Variants in CACNB4 observed in about 807,000 individuals in gnomAD.
CACNB4 encodes calcium voltage-gated channel auxiliary subunit beta 4.
Under a neutral mutation model 71.2 loss-of-function variants are expected in CACNB4, and 32 were observed. The ratio of observed to expected loss-of-function variants is 0.45; its 90% CI spans 0.34 to 0.60. CACNB4 has a LOEUF of 0.60. CACNB4 is among the 20% of genes least tolerant of loss of function. The pLI is 0.01. For synonymous variants in CACNB4, 231 were observed against 236.9 expected (o/e 0.97, Z 0.23); for missense variants, 464 against 647.9 (o/e 0.72, Z 3.08).
chr2:151,912,635 T>C (rs1304401438), intron 2 of CACNB4, among the ~76,000 whole-genome samples: 1 of 152,220 alleles, frequency 6.6e-6, no homozygotes. Flanking sequence ...GAAGAATATA[T>C]ATTCTGTTGA....
intron 2 of CACNB4, among the ~76,000 whole-genome samples, chr2:151,887,139 G>A (rs1224109210): frequency 1.3e-5 from 2 of 152,170 alleles, no homozygotes; most frequent in East Asian, 1.9e-4. Flanking sequence ...AACTGAAGAC[G>A]TAAAGGTTAC....
At chr2:152,044,703 T>A (rs936530102) in intron 2 of CACNB4, among the ~76,000 whole-genome samples, 1 of 152,206 alleles carries the variant, frequency 6.6e-6, no homozygotes, top group African/African-American at 2.4e-5. Flanking sequence ...CCACACCCTT[T>A]GTTTGGGTCA....
At chr2:152,082,998 C>A (rs1687444567) in intron 2 of CACNB4, among the ~76,000 whole-genome samples, 1 of 152,128 alleles carries the variant, frequency 6.6e-6, no homozygotes, top group Non-Finnish European at 1.5e-5. Flanking sequence ...AGTTGTGGTA[C>A]CAGAGGAAGG....
intron 2 of CACNB4, among the ~76,000 whole-genome samples, chr2:151,932,844 AG>A (rs2099861952): frequency 6.8e-6 from 1 of 147,474 alleles, no homozygotes; most frequent in Admixed American, 6.8e-5. Context: ...AAAAAAAAAA[AG>A]GTGGGGGGTT....
chr2:152,053,396 G>T (rs1428016685), intron 2 of CACNB4, among the ~76,000 whole-genome samples: 2 of 152,232 alleles, frequency 1.3e-5, no homozygotes, highest in African/African-American at 4.8e-5. Context: ...GACACGCCTG[G>T]AGAGGGCATG....
At chr2:151,912,094 T>C (rs1291620531) in intron 2 of CACNB4, among the ~76,000 whole-genome samples, 1 of 152,188 alleles carries the variant, frequency 6.6e-6, no homozygotes, top group African/African-American at 2.4e-5. Flanking sequence ...TAGCAATCTA[T>C]TTGTTAATTT....
chr2:151,871,895 A>G (rs2099844732), intron 6 of CACNB4: 1 of 155,398 alleles, frequency 6.4e-6, no homozygotes, highest in African/African-American at 2.4e-5. Flanking sequence ...TAGGCCACCA[A>G]TATCTCTTCA....
chr2:152,040,852 T>C (rs1684836781), intron 2 of CACNB4, among the ~76,000 whole-genome samples: 1 of 152,246 alleles, frequency 6.6e-6, no homozygotes. Flanking sequence ...TGCCAAATGA[T>C]GGTGATTAAC....
rs557235331 is a variant in CACNB4, at chr2:151,911,018, C to G, written c.148-27648G>C. On this transcript the variant is annotated intron_variant, in intron 2 of 13. Transcript: ENST00000539935. ...TCTCCTTGAAAAGGTTCTTCACATC[C>G]CTTGTCAGCTGTATTCCTAGGTAGG... Among the ~76,000 whole-genome samples the G allele has an allele frequency of 9.2e-5, 14 of 152,186 alleles. 1 individual carries two copies. The South Asian group carries it at 2.9e-3, about 32-fold the overall frequency.
At chr2:152,054,627 T>C (rs1377638383) in intron 2 of CACNB4, among the ~76,000 whole-genome samples, 2 of 152,186 alleles carry the variant, frequency 1.3e-5, no homozygotes, top group South Asian at 2.1e-4. Flanking sequence ...GATAACTCTA[T>C]ACTTAACCTT....
chr2:151,995,589 G>T (rs927854927), intron 2 of CACNB4, among the ~76,000 whole-genome samples: 2 of 152,192 alleles, frequency 1.3e-5, no homozygotes, highest in African/African-American at 2.4e-5. Context: ...GGCACCTGTA[G>T]TCCCAGCTAC....
At chr2:151,985,390 G>C (rs1388475323) in intron 2 of CACNB4, among the ~76,000 whole-genome samples, 2 of 152,134 alleles carry the variant, frequency 1.3e-5, no homozygotes, top group Non-Finnish European at 2.9e-5. Flanking sequence ...TTTCACTCAT[G>C]TAAATAATGC....
At chr2:151,975,422 C>T (rs1011072062) in intron 2 of CACNB4, among the ~76,000 whole-genome samples, 1 of 152,198 alleles carries the variant, frequency 6.6e-6, no homozygotes, top group Non-Finnish European at 1.5e-5. Flanking sequence ...ATACCTAGTC[C>T]ACTGTCAAAT....
intron 2 of CACNB4, among the ~76,000 whole-genome samples, chr2:152,069,807 A>C (rs1197432262): frequency 7.6e-5 from 11 of 145,394 alleles, no homozygotes; most frequent in African/African-American, 2.5e-4. Flanking sequence ...TTTATTCTAG[A>C]TCTTTTGATA....
chr2:151,899,862 G>A (rs749809519), intron 2 of CACNB4, among the ~76,000 whole-genome samples: 1 of 152,170 alleles, frequency 6.6e-6, no homozygotes, highest in Non-Finnish European at 1.5e-5. Context: ...AATAAGACAC[G>A]GTCCTTGCCT....
At position 152,094,333 on chromosome 2, in the gene CACNB4, A is replaced by T. The variant is rs568895925; in HGVS notation, c.147+3997T>A. Among the ~76,000 whole-genome samples the T allele has an allele frequency of 2.6e-5, 4 of 152,350 alleles. No individual in the cohort carries two copies. In the South Asian group the frequency reaches 8.3e-4, roughly 32 times the overall value. Reference sequence around the variant, plus strand: ...AAGGACCAGTGGCAAGAGGGAAGACAGTGTGTTCAAACTCTGTGTCCAGAG... The same window carrying T: ...AAGGACCAGTGGCAAGAGGGAAGACTGTGTGTTCAAACTCTGTGTCCAGAG... On this transcript the variant is annotated intron_variant, in intron 2 of 13. Transcript: ENST00000539935.
chr2:151,896,178 G>A (rs1228606338), intron 2 of CACNB4, among the ~76,000 whole-genome samples: 1 of 152,158 alleles, frequency 6.6e-6, no homozygotes, highest in Non-Finnish European at 1.5e-5. Flanking sequence ...TATTTCCTGT[G>A]AGAGGCCCAG....
Position 151,883,061 on chromosome 2 carries a change from T to C in CACNB4, c.267+190A>G, listed in dbSNP as rs998617883. The C allele has an allele frequency of 1.0e-4, 61 of 592,304 alleles. 1 individual carries two copies. The highest frequency in any genetic ancestry group is 8.6e-4 in the South Asian group (43 of 50,026). 36.7% of individuals were successfully genotyped at this position (592,304 alleles called of 1,614,324 possible). ...ACCAAATACAAAAAGGTGAAGGTTC[T>C]GAGGAAATGCCTCTTTGGAGATGTT... On this transcript the variant is annotated intron_variant, in intron 3 of 13. Coordinates refer to ENST00000539935, the MANE Select transcript of CACNB4 (RefSeq NM_000726.5).
In CACNB4 at chr2:151,979,745, G is replaced by A. The variant is rs149660281; in HGVS notation, c.148-96375C>T. On this transcript the variant is annotated intron_variant, in intron 2 of 13. Transcript: ENST00000539935. ...CTCCCTGGGGACAGACAGGGATGGCGTGGCAGCAACACTGAAGATCCTGAA... is the reference window on the plus strand; with the variant it reads ...CTCCCTGGGGACAGACAGGGATGGCATGGCAGCAACACTGAAGATCCTGAA... Among the ~76,000 whole-genome samples the A allele has an allele frequency of 4.6e-4, 70 of 152,366 alleles. No individual in the cohort carries two copies. The Middle Eastern group carries it at 0.01, about 22-fold the overall frequency.
Sources: allele counts gnomAD v4.1 joint callset (sites outside exome capture counted in the v4.1 genomes callset), GRCh38; gene constraint gnomAD v4.1.1; transcripts MANE v1.5; gene names NCBI Gene and HGNC (gene_info 2026-07-23, HGNC 2026-07-21).